The following BCL2L14 variants were observed in gnomAD, a reference collection of about 807,000 sequenced individuals.
BCL2L14 encodes BCL2 like 14, also known as apoptosis facilitator Bcl-2-like protein 14.
A neutral mutation model predicts 35.3 loss-of-function variants in BCL2L14; 27 were observed. The ratio of observed to expected loss-of-function variants is 0.76; its 90% CI spans 0.56 to 1.05. The LOEUF is 1.05. BCL2L14 is among the 50% of genes least tolerant of loss of function. BCL2L14 has a pLI of 0.00. For missense variants in BCL2L14, 377 were observed against 382.6 expected, an observed-to-expected ratio of 0.99 and a Z score of 0.12; for synonymous variants, 139 against 145.9, an observed-to-expected ratio of 0.95 and a Z score of 0.34.
Position 12,079,405 on chromosome 12 carries a change from C to T in BCL2L14, c.100C>T (p.His34Tyr), listed in dbSNP as rs141156172. ...FKILAYYTRHHVFKSTPALFS... is the reference protein window; with the variant it reads ...FKILAYYTRHYVFKSTPALFS... ...AATCCTCGCCTACTACACCAGACAT[C>T]ATGTCTTCAAGAGCACCCCTGCTCT... The change falls in exon 2 of 6, where the codon CAT becomes TAT. Residue 34 changes from histidine to tyrosine, a missense_variant. His to Tyr is a moderately conservative substitution (Grantham distance 83). Transcript: ENST00000308721. 4 of 1,614,062 alleles carry T rather than the reference C, an allele frequency of 2.5e-6. No individual in the cohort carries two copies. The highest frequency in any genetic ancestry group is 3.4e-6 in the Non-Finnish European group (4 of 1,180,014).
chr12:12,088,040 T>A (rs1949086414), intron 3 of BCL2L14, among the ~76,000 whole-genome samples: 1 of 152,136 alleles, frequency 6.6e-6, no homozygotes, highest in African/African-American at 2.4e-5. Flanking sequence ...CTCCACAAAC[T>A]ACAGTGGAGG....
intron 1 of BCL2L14, among the ~76,000 whole-genome samples, chr12:12,073,401 T>C (rs1426670962): frequency 6.6e-6 from 1 of 152,098 alleles, no homozygotes; most frequent in African/African-American, 2.4e-5. Context: ...TTCTGGCCTG[T>C]AAGACAACAA....
intron 1 of BCL2L14, among the ~76,000 whole-genome samples, chr12:12,050,702 G>A (rs1412384280): frequency 6.7e-6 from 1 of 150,282 alleles, no homozygotes; most frequent in African/African-American, 2.5e-5. Context: ...ATTTACAGGG[G>A]TGTCCAATCT....
intron 2 of BCL2L14, among the ~76,000 whole-genome samples, chr12:12,056,631 C>T (rs572516437): frequency 3.0e-4 from 46 of 152,260 alleles, no homozygotes; most frequent in African/African-American, 1.0e-3. Context: ...GTCAGGAGTT[C>T]GAGACCAGCC....
chr12:12,078,565 G>A (rs1003860123), intron 1 of BCL2L14, among the ~76,000 whole-genome samples: 6 of 152,154 alleles, frequency 3.9e-5, no homozygotes, highest in Admixed American at 1.3e-4. Context: ...AACTGCATAC[G>A]TATGCTGTCC....
intron 2 of BCL2L14, among the ~76,000 whole-genome samples, 199 bp downstream of exon 2, chr12:12,079,937 G>T (rs183980176): frequency 3.9e-5 from 6 of 152,208 alleles, no homozygotes; most frequent in African/African-American, 7.2e-5. Flanking sequence ...GGGCGCGGTG[G>T]CTCACGCCTG....
At chr12:12,064,105 C>T (rs918449201) in intron 2 of BCL2L14, among the ~76,000 whole-genome samples, 2 of 152,120 alleles carry the variant, frequency 1.3e-5, no homozygotes, top group African/African-American at 4.8e-5. Context: ...CTGCCTCAGC[C>T]TCCCAAAGTG....
At chr12:12,070,683 A>AG (rs1190195469), upstream of BCL2L14, among the ~76,000 whole-genome samples, 4 of 152,182 alleles carry the variant, frequency 2.6e-5, no homozygotes, top group African/African-American at 9.7e-5. Flanking sequence ...TCTCAAAAAA[A>AG]AAAAAAAGAT....
At chr12:12,062,259 T>G (rs940848911) in intron 2 of BCL2L14, among the ~76,000 whole-genome samples, 22 of 148,926 alleles carry the variant, frequency 1.5e-4, no homozygotes, top group East Asian at 5.9e-4. Flanking sequence ...TTATTCCTGA[T>G]ACCACACCTG....
chr12:12,080,464 C>A (rs1027457617), intron 2 of BCL2L14, among the ~76,000 whole-genome samples: 1 of 151,534 alleles, frequency 6.6e-6, no homozygotes, highest in Admixed American at 6.6e-5. Context: ...ACTAAAGATA[C>A]AAAAAATTAG....
At chr12:12,068,928 T>C (rs117899797), upstream of BCL2L14, among the ~76,000 whole-genome samples, 13 of 152,302 alleles carry the variant, frequency 8.5e-5, no homozygotes, top group Non-Finnish European at 1.6e-4. Context: ...GAATTATTCG[T>C]GAGTTTTCTG....
At chr12:12,083,568 C>T (rs898335694) in intron 2 of BCL2L14, among the ~76,000 whole-genome samples, 3 of 152,166 alleles carry the variant, frequency 2.0e-5, no homozygotes, top group Admixed American at 6.5e-5. Flanking sequence ...AAATAATATA[C>T]AGGTTTGCTT....
intron 3 of BCL2L14, among the ~76,000 whole-genome samples, chr12:12,088,084 T>C (rs1209245409): frequency 6.6e-6 from 1 of 152,128 alleles, no homozygotes; most frequent in African/African-American, 2.4e-5. Flanking sequence ...CTGGGATAAA[T>C]ACGTGAGGTT....
intron 2 of BCL2L14, among the ~76,000 whole-genome samples, chr12:12,081,951 TCA>T (rs1453447490): frequency 1.3e-5 from 2 of 152,306 alleles, no homozygotes; most frequent in East Asian, 3.9e-4. Context: ...CAGTAATGTC[TCA>T]GTTTTTAAAT....
chr12:12,070,286 A>T (rs1353330947), upstream of BCL2L14, among the ~76,000 whole-genome samples: 1 of 152,232 alleles, frequency 6.6e-6, no homozygotes, highest in Admixed American at 6.5e-5. Flanking sequence ...TTTGGATCTC[A>T]GCTCAACTGA....
chr12:12,068,008 T>C (rs538322851), upstream of BCL2L14: 110 of 385,072 alleles, frequency 2.9e-4, no homozygotes, highest in Non-Finnish European at 4.8e-4. Flanking sequence ...TCATGGCTCA[T>C]TGCAGCCTCA....
At chr12:12,097,365 A>G (rs1949338112) in intron 5 of BCL2L14, among the ~76,000 whole-genome samples, 1 of 152,228 alleles carries the variant, frequency 6.6e-6, no homozygotes, top group Non-Finnish European at 1.5e-5. Context: ...ATTCCACTAT[A>G]AAAATAAAGC....
intron 2 of BCL2L14, among the ~76,000 whole-genome samples, chr12:12,081,227 T>C (rs984896751): frequency 1.3e-5 from 2 of 151,842 alleles, no homozygotes; most frequent in Non-Finnish European, 2.9e-5. Context: ...GGCAGGAGGA[T>C]CACTTGACAC....
intron 1 of BCL2L14, among the ~76,000 whole-genome samples, chr12:12,050,619 C>T (rs949862924): frequency 6.6e-6 from 1 of 151,064 alleles, no homozygotes; most frequent in Non-Finnish European, 1.5e-5. Flanking sequence ...AGGAACAGTG[C>T]GACCCGTAAT....
Sources: gnomAD v4.1 joint callset for allele counts (sites outside exome capture counted in the v4.1 genomes callset) on GRCh38, gnomAD v4.1.1 for gene constraint, MANE v1.5 for transcripts, NCBI Gene and HGNC (gene_info 2026-07-23, HGNC 2026-07-21) for gene names.